Variants in ZC3H12B observed in about 807,000 individuals in gnomAD.
ZC3H12B encodes the protein probable ribonuclease ZC3H12B.
Under a neutral mutation model 43.9 loss-of-function variants are expected in ZC3H12B, and 7 were observed. That is an observed-to-expected ratio of 0.16 (90% CI 0.09 to 0.30). The LOEUF is 0.30. ZC3H12B is among the 10% of genes least tolerant of loss of function. The pLI, the probability that ZC3H12B is intolerant of heterozygous loss-of-function variation, is 1.00. For synonymous variants in ZC3H12B, 222 were observed against 241.7 expected (o/e 0.92, Z 0.76); for missense variants, 475 against 670.2 (o/e 0.71, Z 3.22).
the ZC3H12B span, chrX:65,328,624 A>C: frequency 1.3e-5 from 2 of 150,648 alleles, no homozygotes; most frequent in Admixed American, 1.7e-4. Flanking sequence ...TTACATATGT[A>C]TACATGTTTG....
chrX:65,162,724 A>C, the ZC3H12B span, among the ~76,000 whole-genome samples: 1 of 111,403 alleles, frequency 9.0e-6, no homozygotes, highest in East Asian at 2.8e-4. Flanking sequence ...TTCCTCCTGT[A>C]GCTCAGAGTA....
the ZC3H12B span, among the ~76,000 whole-genome samples, chrX:65,336,837 G>T: frequency 8.9e-6 from 1 of 112,359 alleles, no homozygotes; most frequent in Non-Finnish European, 1.9e-5. Flanking sequence ...AAGAAGCAAA[G>T]CTCCCATGTC....
the ZC3H12B span, among the ~76,000 whole-genome samples, chrX:65,189,644 G>C: frequency 2.0e-5 from 2 of 102,242 alleles, no homozygotes; most frequent in African/African-American, 7.4e-5. Context: ...TGATGGGGTT[G>C]TTTGTTTTTT....
chrX:65,309,012 A>G, the ZC3H12B span, among the ~76,000 whole-genome samples: 1 of 111,817 alleles, frequency 8.9e-6, no homozygotes, highest in African/African-American at 3.3e-5. Flanking sequence ...AATTTATAGC[A>G]CTAAATGCCC....
At chrX:65,078,510 G>A in the ZC3H12B span, among the ~76,000 whole-genome samples, 1 of 111,880 alleles carries the variant, frequency 8.9e-6, no homozygotes, top group Non-Finnish European at 1.9e-5. Flanking sequence ...TCCAGAATGA[G>A]GGCATAATCA....
At chrX:65,442,316 T>G (rs1429296661) in intron 3 of ZC3H12B, among the ~76,000 whole-genome samples, 1 of 110,821 alleles carries the variant, frequency 9.0e-6, no homozygotes, top group Non-Finnish European at 1.9e-5. Flanking sequence ...CAGCCGAATC[T>G]GAAATCATCT....
chrX:65,476,775 T>A (rs1412263836), intron 3 of ZC3H12B, among the ~76,000 whole-genome samples: 1 of 110,526 alleles, frequency 9.0e-6, no homozygotes, highest in African/African-American at 3.3e-5. Context: ...TTCCACACCC[T>A]GTTTTTCATG....
the ZC3H12B span, among the ~76,000 whole-genome samples, chrX:65,160,647 C>T: frequency 9.0e-6 from 1 of 111,514 alleles, no homozygotes; most frequent in African/African-American, 3.3e-5. Flanking sequence ...TGATTTGTCT[C>T]TATTTTCTTC....
intron 2 of ZC3H12B, among the ~76,000 whole-genome samples, chrX:65,379,926 G>A: frequency 8.9e-6 from 1 of 111,806 alleles, no homozygotes; most frequent in African/African-American, 3.3e-5. Context: ...AAAAAGAAAT[G>A]AGCAAAGCCT....
the ZC3H12B span, among the ~76,000 whole-genome samples, chrX:65,190,030 C>A: frequency 4.5e-5 from 5 of 111,251 alleles, no homozygotes; most frequent in Non-Finnish European, 9.4e-5. Flanking sequence ...ATCCAGTTTC[C>A]CCAGCACCAT....
the ZC3H12B span, among the ~76,000 whole-genome samples, chrX:65,042,904 G>A: frequency 9.0e-6 from 1 of 111,567 alleles, no homozygotes; most frequent in Non-Finnish European, 1.9e-5. Flanking sequence ...TGGGGCTATA[G>A]GGTCTTCTGT....
At chrX:65,336,685 C>T in the ZC3H12B span, among the ~76,000 whole-genome samples, 5 of 112,021 alleles carry the variant, frequency 4.5e-5, no homozygotes, top group African/African-American at 9.7e-5. Context: ...TTGTCTGTGA[C>T]AGAGTGGGAA....
At chrX:65,235,085 A>T in the ZC3H12B span, among the ~76,000 whole-genome samples, 2 of 111,440 alleles carry the variant, frequency 1.8e-5, no homozygotes, top group Non-Finnish European at 3.8e-5. Flanking sequence ...TTCTTTATCC[A>T]GTCTCTTATT....
At chrX:65,315,892 T>C in the ZC3H12B span, among the ~76,000 whole-genome samples, 12 of 111,409 alleles carry the variant, frequency 1.1e-4, no homozygotes, top group African/African-American at 2.3e-4. Flanking sequence ...CAGTAAAAAG[T>C]CAAAACCCAA....
At chrX:65,295,006 T>C in the ZC3H12B span, among the ~76,000 whole-genome samples, 5 of 109,964 alleles carry the variant, frequency 4.5e-5, no homozygotes, top group Non-Finnish European at 7.6e-5. Flanking sequence ...AAAAAAGGAC[T>C]AAACTGATAT....
chrX:65,167,140 T>G, the ZC3H12B span, among the ~76,000 whole-genome samples: 4 of 111,968 alleles, frequency 3.6e-5, no homozygotes, highest in Admixed American at 3.8e-4. Flanking sequence ...TGAATGGTAT[T>G]GCCTAGGTTT....
intron 3 of ZC3H12B, among the ~76,000 whole-genome samples, chrX:65,434,639 G>A (rs1408393822): frequency 8.9e-6 from 1 of 112,019 alleles, no homozygotes; most frequent in Non-Finnish European, 1.9e-5. Context: ...GTATAAATTA[G>A]AAGACTCAAG....
chrX:65,497,400 T>A, intron 2 of ZC3H12B, 129 bp downstream of exon 7: 1 of 611,735 alleles, frequency 1.6e-6, no homozygotes, highest in African/African-American at 2.3e-5. Context: ...TTATTAAGCA[T>A]ATATTTGAAA....
chrX:65,057,649 G>T, the ZC3H12B span, among the ~76,000 whole-genome samples: 5 of 111,872 alleles, frequency 4.5e-5, no homozygotes, highest in Non-Finnish European at 7.5e-5. Context: ...GATTGGGGAA[G>T]TTCTCCTGGA....
Sources: allele counts gnomAD v4.1 joint callset (sites outside exome capture counted in the v4.1 genomes callset), GRCh38; gene constraint gnomAD v4.1.1; transcripts MANE v1.5; gene names NCBI Gene and HGNC (gene_info 2026-07-23, HGNC 2026-07-21).